Variants in TRPM3 observed in about 807,000 individuals in gnomAD.
TRPM3 encodes long transient receptor potential channel 3.
In TRPM3, 77 loss-of-function variants were observed where a neutral mutation model predicts 181.2. That is an observed-to-expected ratio of 0.42 (90% CI 0.35 to 0.51). The LOEUF (loss-of-function observed/expected upper bound fraction) is 0.51, where lower values mean the gene tolerates loss of function less well. Among genes scored for constraint, TRPM3 ranks in the 20% least tolerant of loss-of-function variants. TRPM3 has a pLI of 0.01. For synonymous variants in TRPM3, 745 were observed against 796.4 expected, an observed-to-expected ratio of 0.94 and a Z score of 1.09; for missense variants, 1,759 against 2,196.7, an observed-to-expected ratio of 0.80 and a Z score of 3.98.
intron 8 of TRPM3, among the ~76,000 whole-genome samples, chr9:70,744,960 T>C (rs952913418): frequency 7.2e-5 from 11 of 152,166 alleles, no homozygotes; most frequent in Admixed American, 6.5e-5. Flanking sequence ...TTGTAACTTA[T>C]TGTCTTTGAG....
intron 1 of TRPM3, among the ~76,000 whole-genome samples, chr9:70,952,003 G>T (rs2097007404): frequency 1.3e-5 from 2 of 152,076 alleles, no homozygotes; most frequent in African/African-American, 4.8e-5. Context: ...TGCTCCCTGG[G>T]ATTTATAATC....
At chr9:71,028,930 T>C (rs1565012357) in intron 1 of TRPM3, among the ~76,000 whole-genome samples, 1 of 152,184 alleles carries the variant, frequency 6.6e-6, no homozygotes, top group Non-Finnish European at 1.5e-5. Context: ...CAAATAGACC[T>C]GATAGACACC....
At chr9:70,773,318 A>G (rs967786938) in intron 7 of TRPM3, among the ~76,000 whole-genome samples, 2 of 152,196 alleles carry the variant, frequency 1.3e-5, no homozygotes, top group South Asian at 2.1e-4. Flanking sequence ...AAATTACCTA[A>G]CCTTTCTGTC....
chr9:70,946,057 C>G (rs949949829), intron 1 of TRPM3, among the ~76,000 whole-genome samples: 1 of 152,112 alleles, frequency 6.6e-6, no homozygotes. Flanking sequence ...GTGGATAGTA[C>G]AAATGATCAA....
At chr9:71,025,269 A>C (rs2097885063) in intron 1 of TRPM3, among the ~76,000 whole-genome samples, 1 of 152,334 alleles carries the variant, frequency 6.6e-6, no homozygotes, top group African/African-American at 2.4e-5. Context: ...GTAATGATCT[A>C]GACAGATGTT....
At chr9:71,245,100 T>C (rs139222631) in intron 1 of TRPM3, among the ~76,000 whole-genome samples, 47 of 152,214 alleles carry the variant, frequency 3.1e-4, no homozygotes, top group South Asian at 4.2e-4. Flanking sequence ...TCAAAGACTA[T>C]TCTAGGAGAA....
At chr9:70,760,395 T>C (rs1274534900) in intron 8 of TRPM3, among the ~76,000 whole-genome samples, 1 of 148,166 alleles carries the variant, frequency 6.7e-6, no homozygotes, top group Non-Finnish European at 1.5e-5. Flanking sequence ...TGCAACACCA[T>C]GAGCTAACGA....
At chr9:71,201,596 C>T (rs1341349669) in intron 1 of TRPM3, among the ~76,000 whole-genome samples, 1 of 152,114 alleles carries the variant, frequency 6.6e-6, no homozygotes, top group African/African-American at 2.4e-5. Context: ...TTTCTCTAAA[C>T]TTCCCTTCCC....
At chr9:70,668,849 T>C (rs2062363091) in intron 9 of TRPM3, among the ~76,000 whole-genome samples, 1 of 152,232 alleles carries the variant, frequency 6.6e-6, no homozygotes, top group Non-Finnish European at 1.5e-5. Flanking sequence ...TCTGTGATTA[T>C]GTAATGCAGA....
rs34280655 is a variant in TRPM3 at position 71,282,170 on chromosome 9, T to TGAAA, written c.183+164479_183+164482dup. On this transcript the variant is annotated intron_variant, in intron 1 of 24. Coordinates refer to the TRPM3 transcript ENST00000357533. ...GAAAGAAAGAAAGGAAAAGAAAGAA[T>TGAAA]GAAAGAAAGAAAGAAAGGAAAGAAA... Among the ~76,000 whole-genome samples the TGAAA allele has an allele frequency of 1.1e-3, 19 of 16,540 alleles. 5 individuals are homozygous for TGAAA. Among genetic ancestry groups the TGAAA allele is most frequent in the Admixed American group, 3.4e-3 (6 of 1,758 alleles). 10.9% of individuals were successfully genotyped at this position (16,540 alleles called of 152,430 possible).
chr9:71,302,584 C>T (rs2086878177), intron 1 of TRPM3, among the ~76,000 whole-genome samples: 1 of 152,102 alleles, frequency 6.6e-6, no homozygotes, highest in African/African-American at 2.4e-5. Context: ...GCAGCAAATA[C>T]AATTATACTC....
At chr9:70,968,785 G>A (rs2097209995) in intron 1 of TRPM3, among the ~76,000 whole-genome samples, 3 of 152,052 alleles carry the variant, frequency 2.0e-5, no homozygotes, top group Admixed American at 1.3e-4. Context: ...TAGATAAACG[G>A]TGTTGGGAAA....
chr9:71,243,995 C>G (rs1219139560), intron 1 of TRPM3, among the ~76,000 whole-genome samples: 1 of 152,172 alleles, frequency 6.6e-6, no homozygotes, highest in East Asian at 1.9e-4. Context: ...CTGTGAACCT[C>G]CAGTTCACAT....
At chr9:71,198,933 G>A (rs2078586497) in intron 1 of TRPM3, among the ~76,000 whole-genome samples, 1 of 117,506 alleles carries the variant, frequency 8.5e-6, no homozygotes, top group Non-Finnish European at 1.9e-5. Flanking sequence ...GTGAGAGAGG[G>A]CATCCCTGTC....
chr9:71,177,163 T>C (rs2077145366), intron 1 of TRPM3, among the ~76,000 whole-genome samples: 1 of 152,134 alleles, frequency 6.6e-6, no homozygotes, highest in Non-Finnish European at 1.5e-5. Context: ...GAGAATCTAA[T>C]GCCTTGTGAT....
At chr9:70,857,012 A>G (rs1377134857) in intron 3 of TRPM3, among the ~76,000 whole-genome samples, 2 of 152,192 alleles carry the variant, frequency 1.3e-5, no homozygotes, top group Non-Finnish European at 2.9e-5. Flanking sequence ...GAGACATGAT[A>G]CTATGTTGGC....
At chr9:70,987,565 G>T (rs779907428) in intron 1 of TRPM3, among the ~76,000 whole-genome samples, 23 of 151,808 alleles carry the variant, frequency 1.5e-4, no homozygotes, top group Non-Finnish European at 2.1e-4. Context: ...ACTTTTAATG[G>T]CAAAAACCGC....
intron 1 of TRPM3, among the ~76,000 whole-genome samples, chr9:71,217,157 A>C (rs951203887): frequency 2.0e-5 from 3 of 151,480 alleles, no homozygotes; most frequent in South Asian, 2.1e-4. Flanking sequence ...TCACCGTGTT[A>C]GCCAGGATGG....
chr9:71,219,621 T>C (rs2080109014), intron 1 of TRPM3, among the ~76,000 whole-genome samples: 1 of 152,236 alleles, frequency 6.6e-6, no homozygotes, highest in African/African-American at 2.4e-5. Flanking sequence ...TTGACACAAG[T>C]ATTTAAGCAT....
Sources: allele counts gnomAD v4.1 joint callset (sites outside exome capture counted in the v4.1 genomes callset), GRCh38; gene constraint gnomAD v4.1.1; transcripts MANE v1.5; gene names NCBI Gene and HGNC (gene_info 2026-07-23, HGNC 2026-07-21).